The following MPP7 variants were observed in gnomAD, a reference collection of about 807,000 sequenced individuals.
MPP7 encodes MAGUK p55 scaffold protein 7.
Under a neutral mutation model 76.5 loss-of-function variants are expected in MPP7, and 60 were observed. The observed-to-expected ratio is 0.78, with a 90% CI of 0.64 to 0.97. MPP7 has a LOEUF of 0.97. MPP7 is among the 50% of genes least tolerant of loss of function. MPP7 has a pLI of 0.00. For synonymous variants in MPP7, 237 were observed against 244.5 expected (o/e 0.97, Z 0.29); for missense variants, 641 against 694.0 (o/e 0.92, Z 0.86).
chr10:28,248,052 T>C (rs530112639), intron 1 of MPP7, among the ~76,000 whole-genome samples: 76 of 152,274 alleles, frequency 5.0e-4, no homozygotes, highest in African/African-American at 1.8e-3. Context: ...CAAAGAGTTA[T>C]GTAAAGACGG....
At chr10:28,139,061 G>C (rs985348134) in intron 5 of MPP7, among the ~76,000 whole-genome samples, 13 of 152,070 alleles carry the variant, frequency 8.5e-5, no homozygotes, top group African/African-American at 2.9e-4. Flanking sequence ...CTGAATGAAG[G>C]GACGAACATA....
At chr10:28,295,790 A>C (rs569272428) in intron 1 of MPP7, among the ~76,000 whole-genome samples, 1 of 152,248 alleles carries the variant, frequency 6.6e-6, no homozygotes, top group South Asian at 2.1e-4. Flanking sequence ...TTTCAAAGCT[A>C]TATCTAGACC....
chr10:28,195,405 G>A (rs1034387130), intron 3 of MPP7, among the ~76,000 whole-genome samples: 4 of 152,194 alleles, frequency 2.6e-5, no homozygotes, highest in South Asian at 2.1e-4. Context: ...CCCAGGAGAA[G>A]TGAAAATATA....
At chr10:28,257,106 G>A (rs1164379522) in intron 1 of MPP7, among the ~76,000 whole-genome samples, 2 of 152,168 alleles carry the variant, frequency 1.3e-5, no homozygotes, top group Non-Finnish European at 2.9e-5. Flanking sequence ...GAAGGTTCTA[G>A]GCTACCTACA....
rs879784079 is a variant in MPP7 at position 28,188,827 on chromosome 10, G to GA, written c.156+13325dup. Among the ~76,000 whole-genome samples, 1,109 of 147,970 alleles carry GA rather than the reference G, an allele frequency of 7.5e-3. 6 individuals carry two copies. The highest frequency in any genetic ancestry group is 9.1e-3 in the Non-Finnish European group (606 of 66,762). On this transcript the variant is annotated intron_variant, in intron 3 of 16. Transcript: ENST00000683449. ...GACTGAAATATTTTAAGTGTTGACGGAAAAAAAAAATGCCAGTCTGGACTT... is the reference window on the plus strand; with the variant it reads ...GACTGAAATATTTTAAGTGTTGACGGAAAAAAAAAAATGCCAGTCTGGACTT...
chr10:28,155,598 C>CAAAAAAAAAAAAAA (rs71391013), intron 3 of MPP7, among the ~76,000 whole-genome samples: 3 of 124,658 alleles, frequency 2.4e-5, no homozygotes, highest in African/African-American at 9.9e-5. Context: ...ACCCTGTCTC[C>CAAAAAAAAAAAAAA]AAAAAAAAAA....
chr10:28,211,986 G>A (rs576537855), intron 2 of MPP7, among the ~76,000 whole-genome samples: 8 of 152,174 alleles, frequency 5.3e-5, no homozygotes, highest in East Asian at 3.9e-4. Context: ...GCAGTGGCTC[G>A]CCTATAATCC....
intron 1 of MPP7, among the ~76,000 whole-genome samples, chr10:28,277,676 G>A (rs901160983): frequency 2.6e-5 from 4 of 152,084 alleles, no homozygotes; most frequent in Admixed American, 6.5e-5. Context: ...GGGGTAAACC[G>A]AAGGCTGCAT....
At chr10:28,199,017 G>C (rs754044933) in intron 3 of MPP7, among the ~76,000 whole-genome samples, 1 of 152,126 alleles carries the variant, frequency 6.6e-6, no homozygotes, top group South Asian at 2.1e-4. Flanking sequence ...AGTTCCATGC[G>C]GCTGGGGAAG....
At chr10:28,301,787 A>G (rs201430567) in intron 1 of MPP7, among the ~76,000 whole-genome samples, 2 of 152,190 alleles carry the variant, frequency 1.3e-5, no homozygotes, top group East Asian at 3.9e-4. Flanking sequence ...CTGTTTTTAT[A>G]GAACCAGAGT....
chr10:28,150,886 G>C (rs981460840), intron 3 of MPP7, among the ~76,000 whole-genome samples: 4 of 152,148 alleles, frequency 2.6e-5, no homozygotes, highest in Non-Finnish European at 5.9e-5. Flanking sequence ...AGAAACAAAA[G>C]ACGTGTTGAC....
At chr10:28,234,310 G>C (rs1455872602) in intron 2 of MPP7, among the ~76,000 whole-genome samples, 1 of 152,092 alleles carries the variant, frequency 6.6e-6, no homozygotes. Context: ...ATAACCCAAA[G>C]TACAAAATAA....
chr10:28,164,650 T>G lies in MPP7; in HGVS notation c.157-14591A>C, dbSNP rs140354482. 5.0e-5 allele frequency among the ~76,000 whole-genome samples: 6 copies of G among 120,854 alleles called. No homozygotes were observed. The East Asian group carries it at 1.5e-3, about 30-fold the overall frequency. The allele number at this position is 120,854 out of a possible 152,430, so 79.3% of individuals were successfully genotyped here. On this transcript the variant is annotated intron_variant, in intron 3 of 16. Coordinates refer to ENST00000683449, the MANE Select transcript of MPP7 (RefSeq NM_001318170.2). ...GCAGCCCAACACAAATTTGTAAACTTTCTTCAAACATTATGAGATTTTTTT... is the reference window on the plus strand; with the variant it reads ...GCAGCCCAACACAAATTTGTAAACTGTCTTCAAACATTATGAGATTTTTTT...
At chr10:28,134,551 T>C (rs1372536514) in intron 5 of MPP7, among the ~76,000 whole-genome samples, 1 of 152,206 alleles carries the variant, frequency 6.6e-6, no homozygotes, top group East Asian at 1.9e-4. Context: ...TGGTTCATGC[T>C]TTTTGTATCC....
At chr10:28,186,374 G>A (rs1277873445) in intron 3 of MPP7, among the ~76,000 whole-genome samples, 2 of 151,364 alleles carry the variant, frequency 1.3e-5, no homozygotes, top group Non-Finnish European at 2.9e-5. Context: ...AAGAAAGAGA[G>A]AGAGAGAGAA....
intron 5 of MPP7, among the ~76,000 whole-genome samples, chr10:28,142,315 T>C (rs1588840507): frequency 6.6e-6 from 1 of 152,280 alleles, no homozygotes; most frequent in East Asian, 1.9e-4. Flanking sequence ...ACACAAAATT[T>C]TTACTAATCA....
At chr10:28,213,692 T>C (rs1388330914) in intron 2 of MPP7, among the ~76,000 whole-genome samples, 2 of 150,358 alleles carry the variant, frequency 1.3e-5, no homozygotes, top group South Asian at 2.1e-4. Context: ...CTCAGGAGGC[T>C]GAGGCAGGAG....
intron 3 of MPP7, among the ~76,000 whole-genome samples, chr10:28,154,313 A>G (rs1158454159): frequency 6.6e-6 from 1 of 152,192 alleles, no homozygotes; most frequent in East Asian, 1.9e-4. Context: ...AAAAGTAGCT[A>G]TTCTGTGTGT....
At chr10:28,187,210 T>C (rs535104678) in intron 3 of MPP7, among the ~76,000 whole-genome samples, 5 of 152,154 alleles carry the variant, frequency 3.3e-5, no homozygotes, top group Non-Finnish European at 7.4e-5. Context: ...TATTCACAAA[T>C]ATGGCTCCCA....
Sources: gnomAD v4.1 joint callset for allele counts (sites outside exome capture counted in the v4.1 genomes callset) on GRCh38, gnomAD v4.1.1 for gene constraint, MANE v1.5 for transcripts, NCBI Gene and HGNC (gene_info 2026-07-23, HGNC 2026-07-21) for gene names.